The following PLPPR1 variants were observed in gnomAD, a reference collection of about 807,000 sequenced individuals.
PLPPR1 encodes phospholipid phosphatase-related protein type 1.
A neutral mutation model predicts 33.1 loss-of-function variants in PLPPR1; 10 were observed. The ratio of observed to expected loss-of-function variants is 0.30; its 90% CI spans 0.19 to 0.51. The LOEUF is 0.51. PLPPR1 is among the 20% of genes least tolerant of loss of function. The probability of loss-of-function intolerance (pLI) is 0.97; values close to 1 mark genes in which losing one functional copy is unlikely to be tolerated. For missense variants in PLPPR1, 304 were observed against 408.1 expected (o/e 0.74, Z 2.20); for synonymous variants, 151 against 151.0 (o/e 1.00, Z 0.00).
chr9:101,186,944 C>T (rs987382198), intron 2 of PLPPR1, among the ~76,000 whole-genome samples: 1 of 151,806 alleles, frequency 6.6e-6, no homozygotes, highest in African/African-American at 2.4e-5. Context: ...CAACAAGAAA[C>T]ACATATTCTT....
At chr9:101,136,523 A>G (rs1252009659) in intron 1 of PLPPR1, among the ~76,000 whole-genome samples, 3 of 152,148 alleles carry the variant, frequency 2.0e-5, no homozygotes, top group African/African-American at 7.2e-5. Context: ...GAAGCTTCCA[A>G]TTTCTCTACC....
intron 3 of PLPPR1, among the ~76,000 whole-genome samples, chr9:101,270,896 T>TC (rs1289996188): frequency 1.3e-5 from 2 of 152,028 alleles, no homozygotes; most frequent in Non-Finnish European, 2.9e-5. Context: ...CCCTGAACGC[T>TC]CCCTCCTCCC....
Position 101,244,744 on chromosome 9 carries a change from A to C in PLPPR1, c.64-25136A>C, listed in dbSNP as rs55859875. 7.6e-3 allele frequency among the ~76,000 whole-genome samples: 1,153 copies of C among 152,012 alleles called. 8 individuals carry two copies. The highest frequency in any genetic ancestry group is 0.015 in the African/African-American group (617 of 41,534). ...CATACTGAAGACAATGTTAAAACCAAAAATTTTTATTCATTAAAAGATGCC... is the reference window on the plus strand; with the variant it reads ...CATACTGAAGACAATGTTAAAACCACAAATTTTTATTCATTAAAAGATGCC... On this transcript the variant is annotated intron_variant, in intron 2 of 7. Coordinates refer to ENST00000374874, the MANE Select transcript of PLPPR1 (RefSeq NM_207299.2).
At chr9:101,257,780 C>A (rs917629150) in intron 2 of PLPPR1, among the ~76,000 whole-genome samples, 1 of 152,002 alleles carries the variant, frequency 6.6e-6, no homozygotes, top group Non-Finnish European at 1.5e-5. Context: ...CCACCATAGC[C>A]CATCCATAAT....
At chr9:101,313,032 G>A in intron 6 of PLPPR1, 58 bp downstream of exon 6, 2 of 1,532,446 alleles carry the variant, frequency 1.3e-6, no homozygotes, top group Non-Finnish European at 1.8e-6. Flanking sequence ...GAAAAACTGT[G>A]AGTCAGGTTT....
chr9:101,146,187 G>T (rs1831519292), intron 1 of PLPPR1, among the ~76,000 whole-genome samples: 1 of 152,138 alleles, frequency 6.6e-6, no homozygotes, highest in Admixed American at 6.5e-5. Flanking sequence ...AGGAACTATA[G>T]TTTGTTTGCT....
chr9:101,162,557 CT>C (rs1825779041), intron 1 of PLPPR1, among the ~76,000 whole-genome samples: 1 of 152,160 alleles, frequency 6.6e-6, no homozygotes. Flanking sequence ...CTGTAGCTAT[CT>C]CTTCCTCCTT....
At chr9:101,228,514 T>A (rs1312994106) in intron 2 of PLPPR1, among the ~76,000 whole-genome samples, 1 of 152,040 alleles carries the variant, frequency 6.6e-6, no homozygotes, top group South Asian at 2.1e-4. Context: ...TTTAAAGACA[T>A]TGTCAAAGAA....
intron 1 of PLPPR1, among the ~76,000 whole-genome samples, chr9:101,057,848 A>G (rs911700461): frequency 7.9e-5 from 12 of 152,148 alleles, no homozygotes; most frequent in Admixed American, 1.3e-4. Context: ...TTTATAACCA[A>G]GCACATTTGT....
chr9:101,229,503 A>T (rs1359081175), intron 2 of PLPPR1, among the ~76,000 whole-genome samples: 2 of 152,120 alleles, frequency 1.3e-5, no homozygotes, highest in Non-Finnish European at 2.9e-5. Flanking sequence ...CATTTCTAAT[A>T]ATTTGATGTA....
At chr9:101,100,018 A>C (rs920495363) in intron 1 of PLPPR1, among the ~76,000 whole-genome samples, 2 of 152,068 alleles carry the variant, frequency 1.3e-5, no homozygotes, top group Non-Finnish European at 2.9e-5. Flanking sequence ...TTGGGAAAAA[A>C]ATGTGGTGGC....
intron 1 of PLPPR1, among the ~76,000 whole-genome samples, chr9:101,146,309 G>A (rs1443299260): frequency 6.6e-6 from 1 of 152,158 alleles, no homozygotes; most frequent in Non-Finnish European, 1.5e-5. Context: ...TTGGAGAAGA[G>A]CCTTCAGAAC....
At chr9:101,248,394 C>A (rs911873466) in intron 2 of PLPPR1, among the ~76,000 whole-genome samples, 2 of 152,066 alleles carry the variant, frequency 1.3e-5, no homozygotes, top group Non-Finnish European at 2.9e-5. Context: ...ATTTCAACTG[C>A]AAATACCGAC....
At chr9:101,230,074 C>T (rs959722356) in intron 2 of PLPPR1, among the ~76,000 whole-genome samples, 1 of 152,072 alleles carries the variant, frequency 6.6e-6, no homozygotes, top group African/African-American at 2.4e-5. Context: ...CCTCCCTCTC[C>T]TGGAACCAAT....
intron 2 of PLPPR1, among the ~76,000 whole-genome samples, chr9:101,221,544 G>A (rs1826939347): frequency 6.6e-6 from 1 of 152,164 alleles, no homozygotes; most frequent in Admixed American, 6.5e-5. Flanking sequence ...GGAAAAGAAA[G>A]GAACTTACCT....
At chr9:101,047,055 A>G (rs1442509524) in intron 1 of PLPPR1, among the ~76,000 whole-genome samples, 2 of 152,158 alleles carry the variant, frequency 1.3e-5, no homozygotes, top group Non-Finnish European at 1.5e-5. Flanking sequence ...ATGAACACGC[A>G]GCCTAGATCC....
At chr9:101,119,872 C>G (rs916466333) in intron 1 of PLPPR1, among the ~76,000 whole-genome samples, 1 of 152,220 alleles carries the variant, frequency 6.6e-6, no homozygotes, top group African/African-American at 2.4e-5. Flanking sequence ...CCACCCATTT[C>G]TGTCTCATCT....
At chr9:101,098,266 A>G (rs1830845665) in intron 1 of PLPPR1, among the ~76,000 whole-genome samples, 2 of 152,154 alleles carry the variant, frequency 1.3e-5, no homozygotes, top group Admixed American at 6.6e-5. Context: ...AAAATTCAAT[A>G]GCACTCGTGG....
At chr9:101,187,089 T>C (rs114069810) in intron 2 of PLPPR1, among the ~76,000 whole-genome samples, 2,927 of 152,046 alleles carry the variant, frequency 0.019, 80 homozygotes, top group African/African-American at 0.054. Context: ...TCATTTTTCC[T>C]GCTGCTTATG....
Sources: allele counts gnomAD v4.1 joint callset (sites outside exome capture counted in the v4.1 genomes callset), GRCh38; gene constraint gnomAD v4.1.1; transcripts MANE v1.5; gene names NCBI Gene and HGNC (gene_info 2026-07-23, HGNC 2026-07-21).